The following PTPRR variants were observed in gnomAD, a reference collection of about 807,000 sequenced individuals.
The protein encoded by PTPRR is protein tyrosine phosphatase receptor type R, also known as receptor-type tyrosine-protein phosphatase R.
PTPRR carries 38 observed loss-of-function variants against 77.2 expected under a neutral mutation model. The ratio of observed to expected loss-of-function variants is 0.49; its 90% CI spans 0.38 to 0.65. PTPRR has a LOEUF of 0.65. Among genes scored for constraint, PTPRR ranks in the 30% least tolerant of loss-of-function variants. PTPRR has a pLI of 0.00. For synonymous variants in PTPRR, 299 were observed against 283.1 expected (o/e 1.06, Z -0.57); for missense variants, 744 against 799.2 (o/e 0.93, Z 0.83).
At chr12:70,782,382 A>T (rs960749562) in intron 2 of PTPRR, among the ~76,000 whole-genome samples, 5 of 152,120 alleles carry the variant, frequency 3.3e-5, no homozygotes, top group Admixed American at 6.5e-5. Flanking sequence ...ATAAAGACAC[A>T]TGCACACGTA....
At chr12:70,733,761 A>G (rs977418915) in intron 6 of PTPRR, among the ~76,000 whole-genome samples, 1 of 152,218 alleles carries the variant, frequency 6.6e-6, no homozygotes, top group Non-Finnish European at 1.5e-5. Flanking sequence ...ATTGAAGTGT[A>G]TATTTTATGT....
intron 5 of PTPRR, among the ~76,000 whole-genome samples, chr12:70,751,568 G>T (rs1890398544): frequency 6.6e-6 from 1 of 152,130 alleles, no homozygotes; most frequent in South Asian, 2.1e-4. Flanking sequence ...CTCTGCCTAG[G>T]GGTCCTTTAC....
At chr12:70,653,603 A>G (rs1886473709) in intron 13 of PTPRR, among the ~76,000 whole-genome samples, 2 of 152,196 alleles carry the variant, frequency 1.3e-5, no homozygotes, top group Non-Finnish European at 2.9e-5. Flanking sequence ...GGCACATGTT[A>G]GGTTCCTTGC....
intron 10 of PTPRR, among the ~76,000 whole-genome samples, chr12:70,669,510 T>C (rs1190104641): frequency 6.7e-6 from 1 of 150,372 alleles, no homozygotes. Flanking sequence ...ACGAGCTATA[T>C]ATATATATAA....
chr12:70,908,571 A>G (rs1893657441), intron 1 of PTPRR, among the ~76,000 whole-genome samples: 1 of 152,200 alleles, frequency 6.6e-6, no homozygotes, highest in Non-Finnish European at 1.5e-5. Context: ...AAGCCGCCCC[A>G]TGATTCAATT....
chr12:70,772,740 C>T (rs1248348058), intron 2 of PTPRR, among the ~76,000 whole-genome samples: 1 of 152,008 alleles, frequency 6.6e-6, no homozygotes, highest in African/African-American at 2.4e-5. Flanking sequence ...AAAAAAACTA[C>T]CTAAGAGAGC....
At chr12:70,728,476 A>G (rs1262370059) in intron 6 of PTPRR, among the ~76,000 whole-genome samples, 1,621 of 11,600 alleles carry the variant, frequency 0.14, 29 homozygotes, top group South Asian at 0.35. Context: ...ATATGTGTAT[A>G]TATATATATA....
chr12:70,897,410 A>G (rs1309504621), intron 1 of PTPRR, among the ~76,000 whole-genome samples: 1 of 152,036 alleles, frequency 6.6e-6, no homozygotes, highest in Non-Finnish European at 1.5e-5. Context: ...AAAAATGCTC[A>G]TCATCACTGG....
At chr12:70,746,129 A>G in intron 5 of PTPRR, 43 bp from the exon 6 acceptor site, 8 of 1,558,454 alleles carry the variant, frequency 5.1e-6, no homozygotes, top group Non-Finnish European at 7.0e-6. Flanking sequence ...ATTTTCTCAC[A>G]CTAAACAAGA....
chr12:70,763,275 C>G, intron 3 of PTPRR, among the ~76,000 whole-genome samples: 1 of 151,882 alleles, frequency 6.6e-6, no homozygotes, highest in East Asian at 1.9e-4. Context: ...ATTACAGATG[C>G]CTGCCACCAT....
At position 70,854,710 on chromosome 12, in the gene PTPRR, G is replaced by C. The variant is rs531540748; in HGVS notation, c.357+37969C>G. 5.4e-4 allele frequency among the ~76,000 whole-genome samples: 82 copies of C among 152,326 alleles called. 1 individual carries two copies. The highest frequency in any genetic ancestry group is 1.9e-3 in the African/African-American group (80 of 41,578). On this transcript the variant is annotated intron_variant, in intron 2 of 13. Coordinates refer to ENST00000283228, the MANE Select transcript of PTPRR (RefSeq NM_002849.4). ...ACAGCCTGGGTCTGAATCTAGCTCT[G>C]CCATCCACAAACTGTGTGACTGGGC...
intron 13 of PTPRR, among the ~76,000 whole-genome samples, chr12:70,644,456 T>C (rs1484846429): frequency 6.6e-6 from 1 of 152,174 alleles, no homozygotes; most frequent in Non-Finnish European, 1.5e-5. Context: ...TACACTGTTG[T>C]CAAGACAAAT....
At chr12:70,805,118 A>G (rs1391405430) in intron 2 of PTPRR, among the ~76,000 whole-genome samples, 1 of 151,976 alleles carries the variant, frequency 6.6e-6, no homozygotes, top group South Asian at 2.1e-4. Flanking sequence ...ATTTGATGCC[A>G]TTTTCTAAAC....
chr12:70,771,048 A>G (rs924055692), intron 2 of PTPRR, among the ~76,000 whole-genome samples: 6 of 151,654 alleles, frequency 4.0e-5, no homozygotes, highest in African/African-American at 1.5e-4. Context: ...AGATATACCT[A>G]ATGCTAAATG....
chr12:70,865,358 A>T (rs1367144501), intron 2 of PTPRR, among the ~76,000 whole-genome samples: 2 of 152,318 alleles, frequency 1.3e-5, no homozygotes, highest in Non-Finnish European at 2.9e-5. Context: ...AATAAAGCAG[A>T]TCCTAAACAT....
At chr12:70,899,697 G>A (rs548414423) in intron 1 of PTPRR, among the ~76,000 whole-genome samples, 1 of 151,422 alleles carries the variant, frequency 6.6e-6, no homozygotes, top group East Asian at 1.9e-4. Flanking sequence ...ACTGTATTAA[G>A]AGTCCTAGTC....
At chr12:70,754,482 A>G in intron 4 of PTPRR, 181 bp from the exon 5 acceptor site, 2 of 1,558,296 alleles carry the variant, frequency 1.3e-6, no homozygotes, top group East Asian at 2.2e-5. Context: ...ATCCTTATAT[A>G]TCGAGATTAT....
At chr12:70,888,840 T>C (rs1341960385) in intron 2 of PTPRR, among the ~76,000 whole-genome samples, 4 of 152,126 alleles carry the variant, frequency 2.6e-5, no homozygotes, top group Admixed American at 2.6e-4. Flanking sequence ...AAGTAATCAC[T>C]GTCAAGAAGT....
intron 10 of PTPRR, among the ~76,000 whole-genome samples, chr12:70,667,245 C>CG (rs965438564): frequency 2.0e-5 from 3 of 152,062 alleles, no homozygotes; most frequent in African/African-American, 7.2e-5. Flanking sequence ...CATGAGCCAC[C>CG]GTGCCTGGCT....
Sources: gnomAD v4.1 joint callset for allele counts (sites outside exome capture counted in the v4.1 genomes callset) on GRCh38, gnomAD v4.1.1 for gene constraint, MANE v1.5 for transcripts, NCBI Gene and HGNC (gene_info 2026-07-23, HGNC 2026-07-21) for gene names.